COL8A1: variants seen among roughly 807,000 people sequenced by gnomAD.
COL8A1 encodes the protein collagen type VIII alpha 1 chain, also known as collagen alpha-1(VIII) chain.
COL8A1 carries 21 observed loss-of-function variants against 42.7 expected under a neutral mutation model. That is an observed-to-expected ratio of 0.49 (90% CI 0.35 to 0.71). The LOEUF (loss-of-function observed/expected upper bound fraction) is 0.71, where lower values mean the gene tolerates loss of function less well. Ranked by LOEUF, COL8A1 falls within the 30% of genes least tolerant of loss-of-function variation. The pLI is 0.01. For synonymous variants in COL8A1, 367 were observed against 369.1 expected (o/e 0.99, Z 0.06); for missense variants, 788 against 962.4 (o/e 0.82, Z 2.40).
chr3:99,736,040 CTTTT>C (rs200516063), intron 1 of COL8A1, among the ~76,000 whole-genome samples: 69,956 of 146,270 alleles, frequency 0.48, 16,252 homozygotes, highest in East Asian at 0.63. Context: ...ATTCTTCTCT[CTTTT>C]TTTCTTTATT....
intron 1 of COL8A1, among the ~76,000 whole-genome samples, chr3:99,696,837 T>TA (rs1939383914): frequency 6.6e-6 from 1 of 152,242 alleles, no homozygotes; most frequent in South Asian, 2.1e-4. Context: ...GATTTAGGTA[T>TA]AACCGATTCA....
intron 1 of COL8A1, among the ~76,000 whole-genome samples, chr3:99,734,471 A>G (rs1328810092): frequency 1.3e-5 from 2 of 151,282 alleles, no homozygotes; most frequent in South Asian, 2.1e-4. Flanking sequence ...GATATGTGGT[A>G]TTATTTCTGA....
chr3:99,642,653 G>A lies in COL8A1; in HGVS notation c.-129+3989G>A, dbSNP rs537302101. 3.1e-3 allele frequency among the ~76,000 whole-genome samples: 479 copies of A among 152,266 alleles called. 5 individuals are homozygous for A. Among genetic ancestry groups the A allele is most frequent in the African/African-American group, 0.011 (454 of 41,554 alleles). ...TCCTTCAGCAAACCTTTCAGGATGT[G>A]CAGATGCAGTCATAGTCCCTCTGTG... On this transcript the variant is annotated intron_variant, in intron 1 of 3. Transcript: ENST00000652472.
chr3:99,643,885 T>A (rs1386699385), intron 1 of COL8A1, among the ~76,000 whole-genome samples: 1 of 152,152 alleles, frequency 6.6e-6, no homozygotes, highest in African/African-American at 2.4e-5. Context: ...TTAACCATTT[T>A]GTACCTTCCT....
At chr3:99,732,929 C>T (rs755878941) in intron 1 of COL8A1, among the ~76,000 whole-genome samples, 4 of 151,942 alleles carry the variant, frequency 2.6e-5, no homozygotes, top group Non-Finnish European at 5.9e-5. Context: ...TTGGCCAAAA[C>T]GAAAGGACTA....
chr3:99,660,254 A>G lies in COL8A1; in HGVS notation c.-129+21590A>G, dbSNP rs549104392. Reference sequence around the variant, plus strand: ...TCCAAAGTCAGTGTAGGGACCTCATATGCCTTTATACAGGTGGTATGATTG... The same window carrying G: ...TCCAAAGTCAGTGTAGGGACCTCATGTGCCTTTATACAGGTGGTATGATTG... On this transcript the variant is annotated intron_variant, in intron 1 of 3. Transcript: ENST00000652472. Among the ~76,000 whole-genome samples, 49 of 151,986 alleles carry G rather than the reference A, an allele frequency of 3.2e-4. No homozygotes were observed. The South Asian group carries it at 0.01, about 32-fold the overall frequency.
intron 2 of COL8A1, among the ~76,000 whole-genome samples, chr3:99,753,594 A>G (rs895515351): frequency 1.3e-5 from 2 of 152,184 alleles, no homozygotes; most frequent in African/African-American, 4.8e-5. Context: ...ATGACTTTGA[A>G]TTACTGCATC....
chr3:99,784,504 G>A (rs1941854218), intron 2 of COL8A1, among the ~76,000 whole-genome samples: 2 of 152,186 alleles, frequency 1.3e-5, no homozygotes, highest in South Asian at 2.1e-4. Context: ...GGTACCACTT[G>A]CTACACACCT....
intron 1 of COL8A1, among the ~76,000 whole-genome samples, chr3:99,671,909 C>A (rs1343587452): frequency 6.6e-6 from 1 of 152,008 alleles, no homozygotes; most frequent in African/African-American, 2.4e-5. Context: ...AAGATATAGA[C>A]ATCAAATTTT....
intron 1 of COL8A1, among the ~76,000 whole-genome samples, chr3:99,737,764 C>T (rs988737626): frequency 7.2e-5 from 11 of 151,912 alleles, no homozygotes; most frequent in East Asian, 1.9e-4. Context: ...TGAATCTGAA[C>T]GTTGGCCTGC....
chr3:99,679,688 A>G (rs1938809927), intron 1 of COL8A1: 1 of 152,198 alleles, frequency 6.6e-6, no homozygotes. Flanking sequence ...GAGAGATGAG[A>G]TAAATTATCT....
Position 99,795,203 on chromosome 3 carries a change from A to G in COL8A1, c.1302A>G (p.Gln434=). ...PPGPKGEPGL[Q]GFPGKPGFLG... is the part of the protein sequence containing the mutation. Reference sequence around the variant, plus strand: ...GTCCCAAGGGTGAGCCAGGGCTTCAAGGCTTCCCAGGAAAGCCAGGTTTCC... The same window carrying G: ...GTCCCAAGGGTGAGCCAGGGCTTCAGGGCTTCCCAGGAAAGCCAGGTTTCC... Residue 434 remains glutamine (Q), a synonymous_variant, in exon 4 of 4, where the codon CAA becomes CAG. Coordinates refer to ENST00000652472, the MANE Select transcript of COL8A1 (RefSeq NM_020351.4). The G allele has an allele frequency of 2.5e-6, 4 of 1,613,610 alleles. 1 individual carries two copies. Among genetic ancestry groups the G allele is most frequent in the South Asian group, 2.2e-5 (2 of 91,050 alleles).
rs965876578 is a variant in COL8A1 at position 99,799,078 on chromosome 3, A to G, written c.*2942A>G. 4 of 152,254 alleles carry G rather than the reference A, an allele frequency of 2.6e-5. No individual in the cohort carries two copies. Among genetic ancestry groups the G allele is most frequent in the Non-Finnish European group, 4.4e-5 (3 of 68,042 alleles). The allele number at this position is 152,254 out of a possible 1,614,324, so 9.4% of individuals were successfully genotyped here. ...GTGGGTGACTGTTATCAAATATTTT[A>G]TAGAATACAATGAACGGTGAACAGA... is the stretch of plus-strand genomic sequence containing the variant. On this transcript the variant is annotated 3_prime_UTR_variant, in exon 4 of 4. Transcript: ENST00000652472.
chr3:99,788,931 A>G (rs1335562331), intron 2 of COL8A1, among the ~76,000 whole-genome samples: 1 of 152,164 alleles, frequency 6.6e-6, no homozygotes, highest in African/African-American at 2.4e-5. Flanking sequence ...TTGCTACTCA[A>G]TAACAGTTTA....
chr3:99,654,865 G>A (rs1473471781), intron 1 of COL8A1, among the ~76,000 whole-genome samples: 1 of 151,992 alleles, frequency 6.6e-6, no homozygotes, highest in Non-Finnish European at 1.5e-5. Context: ...AAAAACAAAG[G>A]AAGAAGGACC....
intron 1 of COL8A1, among the ~76,000 whole-genome samples, chr3:99,698,218 G>A (rs1939436121): frequency 6.6e-6 from 1 of 152,152 alleles, no homozygotes; most frequent in Non-Finnish European, 1.5e-5. Flanking sequence ...GTCTATCATT[G>A]GTGGACATTT....
chr3:99,710,884 T>A (rs1939815837), intron 1 of COL8A1, among the ~76,000 whole-genome samples: 1 of 152,104 alleles, frequency 6.6e-6, no homozygotes, highest in Non-Finnish European at 1.5e-5. Flanking sequence ...AATCATAATA[T>A]CTTGAAGAAG....
At chr3:99,716,043 A>C (rs1177106187) in intron 1 of COL8A1, among the ~76,000 whole-genome samples, 5 of 151,972 alleles carry the variant, frequency 3.3e-5, no homozygotes, top group Non-Finnish European at 7.4e-5. Context: ...TTTTCGTCCA[A>C]AGGTAGAAGA....
chr3:99,751,975 C>T (rs1056882633), intron 2 of COL8A1, among the ~76,000 whole-genome samples: 17 of 152,128 alleles, frequency 1.1e-4, no homozygotes, highest in African/African-American at 2.9e-4. Flanking sequence ...ATGGGACATT[C>T]ATTCTTTGAG....
Sources: allele counts gnomAD v4.1 joint callset (sites outside exome capture counted in the v4.1 genomes callset), GRCh38; gene constraint gnomAD v4.1.1; transcripts MANE v1.5; gene names NCBI Gene and HGNC (gene_info 2026-07-23, HGNC 2026-07-21).